The following PTPRD variants were observed in gnomAD, a reference collection of about 807,000 sequenced individuals.
PTPRD encodes the protein receptor-type tyrosine-protein phosphatase delta.
A neutral mutation model predicts 214.5 loss-of-function variants in PTPRD; 34 were observed. The ratio of observed to expected loss-of-function variants is 0.16; its 90% CI spans 0.12 to 0.21. PTPRD has a LOEUF of 0.21. PTPRD is among the 10% of genes least tolerant of loss of function. The pLI, the probability that PTPRD is intolerant of heterozygous loss-of-function variation, is 1.00. For missense variants in PTPRD, 2,545 were observed against 2,398.7 expected (o/e 1.06, Z -1.27); for synonymous variants, 1,128 against 845.7 (o/e 1.33, Z -5.79).
At chr9:9,962,756 C>T (rs568823453) in intron 4 of PTPRD, among the ~76,000 whole-genome samples, 2 of 152,208 alleles carry the variant, frequency 1.3e-5, no homozygotes, top group East Asian at 3.9e-4. Context: ...GCTGAAACTA[C>T]ACATTCAATA....
At chr9:8,546,160 T>C (rs2080083425) in intron 14 of PTPRD, among the ~76,000 whole-genome samples, 1 of 152,196 alleles carries the variant, frequency 6.6e-6, no homozygotes, top group South Asian at 2.1e-4. Context: ...AGAGGAGTAA[T>C]ATTTATGGAG....
chr9:8,521,577 T>C, intron 19 of PTPRD, 31 bp from the exon 20 acceptor site: 3 of 1,601,152 alleles, frequency 1.9e-6, no homozygotes, highest in Non-Finnish European at 2.6e-6. Context: ...AATGATAACA[T>C]ATACAAGGCA....
At position 9,055,470 on chromosome 9, in the gene PTPRD, C is replaced by T. The variant is rs576421032; in HGVS notation, c.-142-36735G>A. On this transcript the variant is annotated intron_variant, in intron 10 of 45. Transcript: ENST00000381196. ...TGCCAGTCTCATCCAAAAGTGCCCT[C>T]GTGAAAATACCAAGAATAATGTTTG... 3.1e-4 allele frequency among the ~76,000 whole-genome samples: 47 copies of T among 152,142 alleles called. No homozygotes were observed. In the South Asian group the frequency reaches 9.3e-3, roughly 30 times the overall value.
intron 3 of PTPRD, among the ~76,000 whole-genome samples, chr9:10,201,495 A>T (rs1276293971): frequency 2.0e-5 from 3 of 152,084 alleles, no homozygotes; most frequent in African/African-American, 7.2e-5. Context: ...GATAAAGTGT[A>T]ATGTGCTATG....
At chr9:9,150,944 T>C (rs1290773098) in intron 10 of PTPRD, among the ~76,000 whole-genome samples, 1 of 152,146 alleles carries the variant, frequency 6.6e-6, no homozygotes, top group Non-Finnish European at 1.5e-5. Flanking sequence ...AAGCAAAGAT[T>C]TTTGAGATAG....
At chr9:10,160,167 C>T (rs926890527) in intron 3 of PTPRD, among the ~76,000 whole-genome samples, 1 of 151,478 alleles carries the variant, frequency 6.6e-6, no homozygotes, top group South Asian at 2.1e-4. Context: ...CAACTGGAAA[C>T]CAAAAAAAGA....
chr9:9,948,944 A>G (rs995472035), intron 4 of PTPRD, among the ~76,000 whole-genome samples: 16 of 152,200 alleles, frequency 1.1e-4, no homozygotes, highest in African/African-American at 3.9e-4. Flanking sequence ...AAATAAATTA[A>G]TATTACAGTG....
At chr9:8,826,558 C>CA (rs925598397) in intron 11 of PTPRD, among the ~76,000 whole-genome samples, 3 of 152,078 alleles carry the variant, frequency 2.0e-5, no homozygotes, top group African/African-American at 7.2e-5. Flanking sequence ...TACCCATATC[C>CA]AACTGATTCC....
At chr9:8,365,921 C>T (rs926770160) in intron 39 of PTPRD, among the ~76,000 whole-genome samples, 1 of 152,118 alleles carries the variant, frequency 6.6e-6, no homozygotes, top group Non-Finnish European at 1.5e-5. Flanking sequence ...TGCCCCAAGT[C>T]AACCCACAGA....
intron 2 of PTPRD, among the ~76,000 whole-genome samples, chr9:10,425,551 A>G (rs923971823): frequency 6.6e-6 from 1 of 151,970 alleles, no homozygotes; most frequent in Non-Finnish European, 1.5e-5. Flanking sequence ...TTACCCACAT[A>G]AGAGTCCATA....
intron 2 of PTPRD, among the ~76,000 whole-genome samples, chr9:10,479,239 G>C (rs944924500): frequency 2.0e-5 from 3 of 152,056 alleles, no homozygotes; most frequent in African/African-American, 7.2e-5. Context: ...CATGCCCTGG[G>C]CGTTTACACA....
rs971260583 is a variant in PTPRD at position 9,362,540 on chromosome 9, C to G, written c.-203+34909G>C. Among the ~76,000 whole-genome samples the G allele has an allele frequency of 4.0e-5, 6 of 151,088 alleles. No homozygotes were observed. In the East Asian group the frequency reaches 9.8e-4, roughly 25 times the overall value. ...GTCAACATTGTCAGAAAAACATCAA[C>G]TAATGTGTCTTGTATAACTTCATTT... On this transcript the variant is annotated intron_variant, in intron 9 of 45. Coordinates refer to ENST00000381196, the MANE Select transcript of PTPRD (RefSeq NM_002839.4).
At chr9:10,192,184 T>C (rs2099366647) in intron 3 of PTPRD, among the ~76,000 whole-genome samples, 1 of 152,116 alleles carries the variant, frequency 6.6e-6, no homozygotes, top group Non-Finnish European at 1.5e-5. Context: ...CTGCCATTTT[T>C]GTTTTTAAAT....
At chr9:8,592,658 G>C (rs1249471793) in intron 14 of PTPRD, among the ~76,000 whole-genome samples, 1 of 152,112 alleles carries the variant, frequency 6.6e-6, no homozygotes, top group Non-Finnish European at 1.5e-5. Context: ...ACATGACAAA[G>C]GTTGAATATC....
chr9:10,135,503 A>T (rs72696911), intron 3 of PTPRD, among the ~76,000 whole-genome samples: 7,826 of 152,190 alleles, frequency 0.051, 303 homozygotes, highest in Admixed American at 0.1. Context: ...ACTTACAAAG[A>T]AAACTCCTTC....
intron 11 of PTPRD, among the ~76,000 whole-genome samples, chr9:9,010,360 C>A (rs2099505121): frequency 6.6e-6 from 1 of 152,134 alleles, no homozygotes; most frequent in Non-Finnish European, 1.5e-5. Context: ...CATTGACATG[C>A]TATAGGATAT....
intron 2 of PTPRD, among the ~76,000 whole-genome samples, chr9:10,609,983 C>T (rs2080523948): frequency 6.6e-6 from 1 of 152,066 alleles, no homozygotes; most frequent in Non-Finnish European, 1.5e-5. Context: ...TTAGTAAGCA[C>T]ATGTAAGAGG....
At chr9:8,441,597 A>G (rs1338345639) in intron 34 of PTPRD, among the ~76,000 whole-genome samples, 1 of 151,956 alleles carries the variant, frequency 6.6e-6, no homozygotes, top group Non-Finnish European at 1.5e-5. Context: ...GTGAATTAGA[A>G]TCAAGGAGTG....
intron 5 of PTPRD, among the ~76,000 whole-genome samples, chr9:9,796,732 T>C (rs1250736368): frequency 6.6e-6 from 1 of 152,108 alleles, no homozygotes; most frequent in Non-Finnish European, 1.5e-5. Flanking sequence ...ATGAAAAACC[T>C]AAAAATAGCA....
Sources: allele counts gnomAD v4.1 joint callset (sites outside exome capture counted in the v4.1 genomes callset), GRCh38; gene constraint gnomAD v4.1.1; transcripts MANE v1.5; gene names NCBI Gene and HGNC (gene_info 2026-07-23, HGNC 2026-07-21).